Variants in SLC48A1 observed in about 807,000 individuals in gnomAD.
SLC48A1 encodes the protein solute carrier family 48 member 1.
Under a neutral mutation model 14.8 loss-of-function variants are expected in SLC48A1, and 6 were observed. The observed-to-expected ratio is 0.41, with a 90% CI of 0.22 to 0.80. The LOEUF (loss-of-function observed/expected upper bound fraction) is 0.80. Ranked by LOEUF, SLC48A1 falls within the 30% of genes least tolerant of loss-of-function variation. The pLI, the probability that SLC48A1 is intolerant of heterozygous loss-of-function variation, is 0.34. For synonymous variants in SLC48A1, 89 were observed against 90.0 expected, an observed-to-expected ratio of 0.99 and a Z score of 0.06; for missense variants, 165 against 204.8, an observed-to-expected ratio of 0.81 and a Z score of 1.19.
intron 2 of SLC48A1, among the ~76,000 whole-genome samples, chr12:47,761,515 C>T (rs751136494): frequency 6.6e-5 from 10 of 152,228 alleles, no homozygotes; most frequent in Non-Finnish European, 1.2e-4. Flanking sequence ...CCCCAGCCTG[C>T]CATCAAAGCA....
intron 1 of SLC48A1, 159 bp from the exon 2 acceptor site, chr12:47,778,869 C>T: frequency 3.7e-6 from 3 of 800,888 alleles, no homozygotes; most frequent in Non-Finnish European, 1.9e-6. Flanking sequence ...CTCTTACCTG[C>T]TTCTGATATC....
chr12:47,758,233 G>A (rs1022905832), upstream of SLC48A1: 118 of 1,435,206 alleles, frequency 8.2e-5, no homozygotes, highest in Middle Eastern at 5.1e-4. Flanking sequence ...GGAGGAACAG[G>A]AAGACCTTCA....
chr12:47,755,373 AAC>A (rs2136817950), upstream of SLC48A1, among the ~76,000 whole-genome samples: 1 of 152,322 alleles, frequency 6.6e-6, no homozygotes, highest in South Asian at 2.1e-4. Context: ...AGTACTGTAT[AAC>A]TATTAACTAC....
In SLC48A1 at chr12:47,779,109, GCTT is replaced by G. The variant is rs1480450167; in HGVS notation, c.226_228del (p.Phe76del). ...AGGACCTGGCTCAAGGGGCTGCGCG[GCTT>G]CTTCTTCGTGGGCGTCCTCTTCTCG... On this transcript the variant is annotated inframe_deletion, in exon 2 of 3. Coordinates refer to ENST00000442218, the MANE Select transcript of SLC48A1 (RefSeq NM_017842.3). 2.5e-5 allele frequency: 39 copies of G among 1,551,726 alleles called. No homozygotes were observed. The highest frequency in any genetic ancestry group is 1.7e-4 in the Middle Eastern group (1 of 6,018).
Position 47,777,909 on chromosome 12 carries a change from T to C in SLC48A1, c.137-1119T>C, listed in dbSNP as rs964227256. On this transcript the variant is annotated intron_variant, in intron 1 of 2. Transcript: ENST00000442218. This position sits in a 1 kb window ranked among gnomAD's most constrained non-coding sequence, Gnocchi z 4.5. ...ACCACTTTCCCCAACCAGATGCTTA[T>C]CCTTCCTGTGCACATTTGGTAACTA... Among the ~76,000 whole-genome samples the C allele has an allele frequency of 1.3e-5, 2 of 152,116 alleles. No homozygotes were observed. Among genetic ancestry groups the C allele is most frequent in the Non-Finnish European group, 2.9e-5 (2 of 68,028 alleles).
At position 47,780,431 on chromosome 12, in the gene SLC48A1, G is replaced by A. The variant is rs781741715; in HGVS notation, c.*150G>A. 47 of 1,210,348 alleles carry A rather than the reference G, an allele frequency of 3.9e-5. No individual in the cohort carries two copies. The highest frequency in any genetic ancestry group is 5.3e-5 in the Non-Finnish European group (43 of 812,120). 75.0% of individuals were successfully genotyped at this position (1,210,348 alleles called of 1,614,324 possible). A position where few individuals can be genotyped will look rare whatever the true frequency, so the allele number is the denominator to read the frequency against. ...GACGAGTGTGGTCTCCCAGGAAGCT[G>A]TCCTGCCCGTCCCCTTTCGAGGAAA... On this transcript the variant is annotated 3_prime_UTR_variant, in exon 3 of 3. Transcript: ENST00000442218.
intron 1 of SLC48A1, among the ~76,000 whole-genome samples, chr12:47,773,962 C>T (rs1193151534): frequency 1.3e-5 from 2 of 152,260 alleles, no homozygotes; most frequent in African/African-American, 4.8e-5. Flanking sequence ...CCATCTCCCT[C>T]CTTCCAGAGG....
At chr12:47,758,480 AC>A, upstream of SLC48A1, 1 of 1,581,280 alleles carries the variant, frequency 6.3e-7, no homozygotes, top group South Asian at 1.1e-5. Context: ...TCCCACCCAA[AC>A]TCCCCACCGT....
chr12:47,775,377 G>T (rs779095259), intron 1 of SLC48A1, among the ~76,000 whole-genome samples: 9 of 152,164 alleles, frequency 5.9e-5, no homozygotes, highest in Non-Finnish European at 8.8e-5. Flanking sequence ...GCAGCAGCTC[G>T]CTAGGGCAGC....
chr12:47,761,212 A>AT (rs1942372723), intron 2 of SLC48A1, among the ~76,000 whole-genome samples: 1 of 150,352 alleles, frequency 6.7e-6, no homozygotes, highest in Non-Finnish European at 1.5e-5. Flanking sequence ...AAAAAAAAAA[A>AT]GGCAGGGGGG....
chr12:47,759,195 A>C (rs1942283451), intron 1 of SLC48A1: 2 of 782,508 alleles, frequency 2.6e-6, no homozygotes, highest in Non-Finnish European at 3.1e-6. Flanking sequence ...GAGAAATGCA[A>C]ACAAGGAAAC....
At chr12:47,761,224 A>G (rs1404674779) in intron 2 of SLC48A1, among the ~76,000 whole-genome samples, 1 of 150,590 alleles carries the variant, frequency 6.6e-6, no homozygotes, top group East Asian at 1.9e-4. Context: ...GCAGGGGGGA[A>G]ATCGAATATG....
chr12:47,780,995 G>C lies in SLC48A1; in HGVS notation c.*714G>C, dbSNP rs750485967. 3 of 496,110 alleles carry C rather than the reference G, an allele frequency of 6.0e-6. No individual in the cohort carries two copies. The highest frequency in any genetic ancestry group is 5.9e-5 in the African/African-American group (3 of 50,916). The allele number at this position is 496,110 out of a possible 1,614,324, so 30.7% of individuals were successfully genotyped here. ...GCAGGCAAGGGTTTCCATCCCCGCT[G>C]CCCTAGGCACTCTCTTCCCAAGGCC... On this transcript the variant is annotated 3_prime_UTR_variant, in exon 3 of 3. Transcript: ENST00000442218.
chr12:47,772,578 C>G, upstream of SLC48A1, among the ~76,000 whole-genome samples: 1 of 152,002 alleles, frequency 6.6e-6, no homozygotes, highest in East Asian at 1.9e-4. Flanking sequence ...GCTTGGAAGG[C>G]TGAGGTGAGA....
chr12:47,767,214 A>C (rs908334474), upstream of SLC48A1, among the ~76,000 whole-genome samples: 1 of 152,004 alleles, frequency 6.6e-6, no homozygotes, highest in Non-Finnish European at 1.5e-5. Flanking sequence ...GAGGGGCGGC[A>C]AGGGGACCAC....
intron 2 of SLC48A1, among the ~76,000 whole-genome samples, chr12:47,762,707 G>A (rs1942412538): frequency 6.6e-6 from 1 of 152,206 alleles, no homozygotes; most frequent in African/African-American, 2.4e-5. Context: ...AGGTCACACA[G>A]TTAATAAGTA....
rs750174911 is a variant in SLC48A1, at chr12:47,765,076, C to CA, written c.-187+4714dup. On this transcript the variant is annotated intron_variant, in intron 2 of 4. Transcript: ENST00000547002. The stretch of plus-strand genomic sequence containing the variant: ...TGGGCAACAGAGTGAGACTCTGTCT[C>CA]AAAAAAAAAAAAAAAAAAAAAAAAA... Among the ~76,000 whole-genome samples, 31 of 38,188 alleles carry CA rather than the reference C, an allele frequency of 8.1e-4. 2 individuals carry two copies. Among genetic ancestry groups the CA allele is most frequent in the African/African-American group, 9.9e-4 (7 of 7,068 alleles). 25.1% of individuals were successfully genotyped at this position (38,188 alleles called of 152,430 possible).
upstream of SLC48A1, chr12:47,768,507 C>T (rs1942563347): frequency 6.6e-6 from 1 of 152,230 alleles, no homozygotes; most frequent in Admixed American, 6.5e-5. Context: ...TCAGAGATAA[C>T]ACCTAGGTTT....
At position 47,780,470 on chromosome 12, in the gene SLC48A1, G is replaced by T. The variant is rs1004362410; in HGVS notation, c.*189G>T. ...CTTTCGAGGAAACCTGAGTGTGGTAGAGAGGGGATCCTGCCATGTTGCTCC... is the reference window on the plus strand; with the variant it reads ...CTTTCGAGGAAACCTGAGTGTGGTATAGAGGGGATCCTGCCATGTTGCTCC... On this transcript the variant is annotated 3_prime_UTR_variant, in exon 3 of 3. Transcript: ENST00000442218. 2.3e-6 allele frequency: 2 copies of T among 886,146 alleles called. No homozygotes were observed. Among genetic ancestry groups the T allele is most frequent in the African/African-American group, 1.6e-5 (1 of 61,022 alleles). The allele number at this position is 886,146 out of a possible 1,614,324, so 54.9% of individuals were successfully genotyped here.
Sources: gnomAD v4.1 joint callset for allele counts (sites outside exome capture counted in the v4.1 genomes callset) on GRCh38, gnomAD v4.1.1 for gene constraint, Gnocchi (gnomAD v3.1) non-coding constraint, MANE v1.5 for transcripts, NCBI Gene and HGNC (gene_info 2026-07-23, HGNC 2026-07-21) for gene names.